SPATS2: variants seen among roughly 807,000 people sequenced by gnomAD.
SPATS2 encodes spermatogenesis-associated serine-rich protein 2.
A neutral mutation model predicts 63.7 loss-of-function variants in SPATS2; 38 were observed. The ratio of observed to expected loss-of-function variants is 0.60; its 90% confidence interval spans 0.46 to 0.78. The LOEUF is 0.78. Ranked by LOEUF, SPATS2 falls within the 30% of genes least tolerant of loss-of-function variation. The pLI is 0.00. For synonymous variants in SPATS2, 207 were observed against 232.9 expected, an observed-to-expected ratio of 0.89 and a Z score of 1.01; for missense variants, 588 against 666.2, an observed-to-expected ratio of 0.88 and a Z score of 1.29.
In SPATS2 at chr12:49,469,542, T is replaced by TAAAAAAAAAA. The variant is rs748722366; in HGVS notation, c.25+8518_25+8527dup. 1.0e-3 allele frequency: 330 copies of TAAAAAAAAAA among 319,612 alleles called. 29 individuals carry two copies. Among genetic ancestry groups the TAAAAAAAAAA allele is most frequent in the South Asian group, 1.8e-3 (88 of 49,508 alleles). The allele number at this position is 319,612 out of a possible 1,614,324, so 19.8% of individuals were successfully genotyped here. On this transcript the variant is annotated intron_variant, in intron 3 of 13. Transcript: ENST00000552918. ...GTCACTGCACTATGGGCTGGGTCTC[T>TAAAAAAAAAA]AAAAAAAAAAAAAAAAAAAAAAGAA...
chr12:49,379,343 C>T lies in SPATS2; in HGVS notation c.-244+8053C>T, dbSNP rs549150309. On this transcript the variant is annotated intron_variant, in intron 2 of 13. Transcript: ENST00000552918. ...TGGGTGGATCACGAGGTCAGGAGATCGAGACCATCCTGGCTAACATGGTGA... is the reference window on the plus strand; with the variant it reads ...TGGGTGGATCACGAGGTCAGGAGATTGAGACCATCCTGGCTAACATGGTGA... Among the ~76,000 whole-genome samples, 21 of 149,914 alleles carry T rather than the reference C, an allele frequency of 1.4e-4. No individual in the cohort carries two copies. In the East Asian group the frequency reaches 3.6e-3, roughly 25 times the overall value.
chr12:49,439,228 C>T (rs1251629905), intron 2 of SPATS2, among the ~76,000 whole-genome samples: 1 of 152,058 alleles, frequency 6.6e-6, no homozygotes, highest in Non-Finnish European at 1.5e-5. Context: ...CAGGTATTAG[C>T]TGAAGTGCAT....
intron 4 of SPATS2, among the ~76,000 whole-genome samples, chr12:49,488,836 C>T (rs1349620825): frequency 6.6e-6 from 1 of 151,942 alleles, no homozygotes; most frequent in Non-Finnish European, 1.5e-5. Context: ...TGCAAAAGCA[C>T]GTATGGAAAT....
Position 49,524,883 on chromosome 12 carries a change from A to G in SPATS2, c.1313A>G (p.Gln438Arg). 1 of 1,613,464 alleles carries G rather than the reference A, an allele frequency of 6.2e-7. No individual in the cohort carries two copies. The highest frequency in any genetic ancestry group is 1.1e-5 in the South Asian group (1 of 91,032). The part of the protein sequence containing the change: ...AIANSSGQPY[Q>R]PLREVLPGNR... The stretch of plus-strand genomic sequence containing the variant: ...GCAAACTCCAGTGGCCAGCCCTACC[A>G]GCCACTTCGGGAGGTAACCTAGCTT... Residue 438 changes from glutamine to arginine, a missense_variant, in exon 13 of 14, where the codon CAG becomes CGG. Physicochemically the swap from Gln to Arg is conservative, Grantham distance 43. Transcript: ENST00000552918.
chr12:49,475,848 G>T (rs950616302), intron 3 of SPATS2, among the ~76,000 whole-genome samples: 1 of 152,182 alleles, frequency 6.6e-6, no homozygotes, highest in African/African-American at 2.4e-5. Context: ...GCTAATGAGA[G>T]ATGTCCTGGA....
intron 2 of SPATS2, among the ~76,000 whole-genome samples, chr12:49,407,872 A>C (rs895260166): frequency 6.6e-6 from 1 of 152,230 alleles, no homozygotes; most frequent in Non-Finnish European, 1.5e-5. Flanking sequence ...TTGTCAGTGC[A>C]GCTTTTGCAC....
chr12:49,374,731 C>T (rs531443883), intron 2 of SPATS2, among the ~76,000 whole-genome samples: 10 of 152,018 alleles, frequency 6.6e-5, no homozygotes, highest in Non-Finnish European at 1.0e-4. Flanking sequence ...GAGGCCGAGG[C>T]GGGCAGATCA....
chr12:49,376,709 A>ATTT (rs33952223), intron 2 of SPATS2, among the ~76,000 whole-genome samples: 2 of 55,770 alleles, frequency 3.6e-5, no homozygotes, highest in Non-Finnish European at 6.1e-5. Context: ...TGTTTTGTTG[A>ATTT]TTTTTTTTTT....
chr12:49,484,032 CT>C (rs1192308906), intron 3 of SPATS2, among the ~76,000 whole-genome samples: 7 of 152,276 alleles, frequency 4.6e-5, no homozygotes, highest in African/African-American at 1.7e-4. Flanking sequence ...AAACCAGAAT[CT>C]TTTTTTGTAA....
At chr12:49,392,983 C>T (rs1195975718) in intron 2 of SPATS2, among the ~76,000 whole-genome samples, 1 of 152,082 alleles carries the variant, frequency 6.6e-6, no homozygotes, top group African/African-American at 2.4e-5. Context: ...ACCCAGGGGG[C>T]GGAGGTTGTA....
intron 9 of SPATS2, among the ~76,000 whole-genome samples, chr12:49,504,572 G>A (rs12298506): frequency 0.014 from 2,054 of 152,142 alleles, 47 homozygotes; most frequent in African/African-American, 0.047. Context: ...TAAATAAAAA[G>A]TTTCCATTTT....
intron 2 of SPATS2, among the ~76,000 whole-genome samples, chr12:49,446,339 G>A (rs1390660590): frequency 6.6e-6 from 1 of 152,188 alleles, no homozygotes; most frequent in Non-Finnish European, 1.5e-5. Context: ...TCTCATCTCA[G>A]TTTCTGTAGG....
intron 2 of SPATS2, among the ~76,000 whole-genome samples, chr12:49,398,923 G>A (rs1302647266): frequency 2.6e-5 from 4 of 152,144 alleles, no homozygotes. Flanking sequence ...CAATTTCAAT[G>A]AAAACAGCCT....
At chr12:49,378,855 A>G (rs1254479493) in intron 2 of SPATS2, among the ~76,000 whole-genome samples, 1 of 152,060 alleles carries the variant, frequency 6.6e-6, no homozygotes, top group Non-Finnish European at 1.5e-5. Flanking sequence ...TCAGCCTCCC[A>G]AAGTGCTGGG....
At chr12:49,525,764 G>A (rs117060940) in intron 13 of SPATS2, among the ~76,000 whole-genome samples, 180 bp from the exon 14 acceptor site, 2,724 of 152,290 alleles carry the variant, frequency 0.018, 43 homozygotes, top group Non-Finnish European at 0.029. Context: ...AGGGAAAGAT[G>A]GATTAGTTCT....
chr12:49,516,166 AATATATATAT>A (rs869230532), intron 10 of SPATS2, among the ~76,000 whole-genome samples: 2,146 of 30,238 alleles, frequency 0.071, 116 homozygotes, highest in East Asian at 0.12. Flanking sequence ...AAAAAAAAAA[AATATATATAT>A]ATATATATAT....
intron 2 of SPATS2, among the ~76,000 whole-genome samples, chr12:49,418,710 G>A (rs1944932493): frequency 6.6e-6 from 1 of 152,042 alleles, no homozygotes; most frequent in South Asian, 2.1e-4. Context: ...CAAAGCGTTG[G>A]GATTACAGAT....
intron 12 of SPATS2, among the ~76,000 whole-genome samples, chr12:49,523,542 TAA>T (rs1946978092): frequency 6.6e-6 from 1 of 152,076 alleles, no homozygotes; most frequent in East Asian, 1.9e-4. Flanking sequence ...GTCTGGCACA[TAA>T]TAGATCCTTA....
chr12:49,380,191 A>T, intron 2 of SPATS2, among the ~76,000 whole-genome samples: 1 of 146,292 alleles, frequency 6.8e-6, no homozygotes, highest in Non-Finnish European at 1.5e-5. Flanking sequence ...TTTTGAGACA[A>T]AATCTCACTC....
Sources: gnomAD v4.1 joint callset for allele counts (sites outside exome capture counted in the v4.1 genomes callset) on GRCh38, gnomAD v4.1.1 for gene constraint, MANE v1.5 for transcripts, NCBI Gene and HGNC (gene_info 2026-07-23, HGNC 2026-07-21) for gene names.